The following ZNF804B variants were observed in gnomAD, a reference collection of about 807,000 sequenced individuals.
ZNF804B encodes zinc finger protein 804B.
In ZNF804B, 80 loss-of-function variants were observed where a neutral mutation model predicts 101.4. That is an observed-to-expected ratio of 0.79 (90% CI 0.66 to 0.95). The LOEUF (loss-of-function observed/expected upper bound fraction) is 0.95. Ranked by LOEUF, ZNF804B falls within the 40% of genes least tolerant of loss-of-function variation. ZNF804B has a pLI of 0.00. For missense variants in ZNF804B, 1,673 were observed against 1,561.9 expected, an observed-to-expected ratio of 1.07 and a Z score of -1.20; for synonymous variants, 622 against 558.8, an observed-to-expected ratio of 1.11 and a Z score of -1.59.
chr7:88,764,601 A>G (rs1253651482), intron 1 of ZNF804B, among the ~76,000 whole-genome samples: 1 of 152,178 alleles, frequency 6.6e-6, no homozygotes, highest in East Asian at 1.9e-4. Context: ...GTTCTAGAAG[A>G]GATGAACTAC....
rs556715360 is a variant in ZNF804B at position 89,015,696 on chromosome 7, A to G, written c.109-202459A>G. ...ATTTTTTATGGCTGCATAGTATTCC[A>G]TGGTGTATATGTGTCACATTTTCTT... is the stretch of plus-strand genomic sequence containing the variant. On this transcript the variant is annotated intron_variant, in intron 1 of 3. Transcript: ENST00000333190. 4.7e-3 allele frequency among the ~76,000 whole-genome samples: 714 copies of G among 152,198 alleles called. 6 individuals are homozygous for G. Among genetic ancestry groups the G allele is most frequent in the African/African-American group, 0.014 (571 of 41,506 alleles).
intron 1 of ZNF804B, among the ~76,000 whole-genome samples, chr7:89,121,598 C>T (rs1412850279): frequency 1.3e-5 from 2 of 152,078 alleles, no homozygotes; most frequent in Non-Finnish European, 2.9e-5. Context: ...TTGGACTAAA[C>T]TAAGTATTAG....
At chr7:89,237,012 T>C (rs570049633) in intron 2 of ZNF804B, among the ~76,000 whole-genome samples, 1 of 152,256 alleles carries the variant, frequency 6.6e-6, no homozygotes, top group South Asian at 2.1e-4. Flanking sequence ...GACTCCACCA[T>C]TAATAAACAC....
chr7:88,849,384 A>G (rs1204259892), intron 1 of ZNF804B, among the ~76,000 whole-genome samples: 1 of 151,984 alleles, frequency 6.6e-6, no homozygotes, highest in African/African-American at 2.4e-5. Context: ...GAAGATTAAG[A>G]AAAATGAAAA....
intron 1 of ZNF804B, among the ~76,000 whole-genome samples, chr7:88,843,015 T>G (rs1039405745): frequency 6.6e-6 from 1 of 152,240 alleles, no homozygotes; most frequent in African/African-American, 2.4e-5. Context: ...ATTTATTTTC[T>G]GCTTTTTAAT....
intron 1 of ZNF804B, among the ~76,000 whole-genome samples, chr7:89,007,559 T>C (rs1438630953): frequency 1.8e-5 from 1 of 56,670 alleles, no homozygotes; most frequent in Non-Finnish European, 3.9e-5. Flanking sequence ...TATATATTTA[T>C]CTATTATAAT....
At chr7:88,953,883 T>A (rs925660881) in intron 1 of ZNF804B, among the ~76,000 whole-genome samples, 21 of 151,898 alleles carry the variant, frequency 1.4e-4, no homozygotes, top group African/African-American at 5.1e-4. Flanking sequence ...AAAATATTTT[T>A]AATCACTAAC....
chr7:89,115,904 G>GTT (rs112266242), intron 1 of ZNF804B, among the ~76,000 whole-genome samples: 50,445 of 145,900 alleles, frequency 0.35, 8,971 homozygotes, highest in East Asian at 0.58. Context: ...AGGTTTTTTT[G>GTT]TTTTTTTTTT....
intron 2 of ZNF804B, among the ~76,000 whole-genome samples, chr7:89,306,080 A>C (rs2115932822): frequency 6.6e-6 from 1 of 152,124 alleles, no homozygotes; most frequent in Non-Finnish European, 1.5e-5. Flanking sequence ...TATAAAGAGC[A>C]CCATTAAGTA....
At chr7:88,995,971 A>G (rs1287685419) in intron 1 of ZNF804B, among the ~76,000 whole-genome samples, 2 of 152,048 alleles carry the variant, frequency 1.3e-5, no homozygotes, top group Admixed American at 1.3e-4. Context: ...AAAACAAGGC[A>G]AGTCTGAGAA....
At chr7:88,953,864 T>C (rs67716252) in intron 1 of ZNF804B, among the ~76,000 whole-genome samples, 20,859 of 151,652 alleles carry the variant, frequency 0.14, 1,918 homozygotes, top group East Asian at 0.37. Context: ...CATTCTATTA[T>C]ATGGATATAA....
At position 89,220,150 on chromosome 7, in the gene ZNF804B, CAT is replaced by C. The variant is rs1554380284; in HGVS notation, c.249+1865_249+1866del. Among the ~76,000 whole-genome samples, 123 of 50,142 alleles carry C rather than the reference CAT, an allele frequency of 2.5e-3. 12 individuals carry two copies. Among genetic ancestry groups the C allele is most frequent in the African/African-American group, 8.2e-3 (97 of 11,874 alleles). 32.9% of individuals were successfully genotyped at this position (50,142 alleles called of 152,430 possible). A position where few individuals can be genotyped will look rare whatever the true frequency, so the allele number is the denominator to read the frequency against. The stretch of plus-strand genomic sequence containing the variant: ...ACGCACACATATATGTGTGTATATA[CAT>C]ATATATATACGCACATATATATGTG... On this transcript the variant is annotated intron_variant, in intron 2 of 3. Coordinates refer to ENST00000333190, the MANE Select transcript of ZNF804B (RefSeq NM_181646.5).
chr7:89,145,689 T>C lies in ZNF804B; in HGVS notation c.109-72466T>C, dbSNP rs75867711. On this transcript the variant is annotated intron_variant, in intron 1 of 3. Coordinates refer to ENST00000333190, the MANE Select transcript of ZNF804B (RefSeq NM_181646.5). The stretch of plus-strand genomic sequence containing the variant: ...GACTAATTCCACAAACATATACTTA[T>C]TTCCCACTCTGGACCAGACCTTATG... Among the ~76,000 whole-genome samples, 260 of 152,162 alleles carry C rather than the reference T, an allele frequency of 1.7e-3. 1 individual carries two copies. The highest frequency in any genetic ancestry group is 5.7e-3 in the African/African-American group (236 of 41,558).
At chr7:88,944,485 G>A (rs146782375) in intron 1 of ZNF804B, among the ~76,000 whole-genome samples, 6,162 of 151,544 alleles carry the variant, frequency 0.041, 217 homozygotes, top group Non-Finnish European at 0.056. Context: ...CATTCTGGAT[G>A]CAAGTTTTAT....
intron 1 of ZNF804B, among the ~76,000 whole-genome samples, chr7:88,821,734 G>A (rs1352953830): frequency 1.3e-5 from 2 of 152,062 alleles, no homozygotes; most frequent in African/African-American, 2.4e-5. Flanking sequence ...AACCACTATA[G>A]TTTTAAAAGT....
chr7:88,950,803 T>C (rs140620106), intron 1 of ZNF804B, among the ~76,000 whole-genome samples: 4 of 151,992 alleles, frequency 2.6e-5, no homozygotes, highest in African/African-American at 9.6e-5. Flanking sequence ...AAATGCTAGC[T>C]AGATATGGCT....
intron 2 of ZNF804B, among the ~76,000 whole-genome samples, chr7:89,306,838 C>T (rs1420386764): frequency 6.6e-6 from 1 of 151,972 alleles, no homozygotes; most frequent in African/African-American, 2.4e-5. Flanking sequence ...ATTATACAGA[C>T]ATTTTGCCCC....
In ZNF804B at chr7:89,305,520, A is replaced by G. The variant is rs113320889; in HGVS notation, c.250-21824A>G. Among the ~76,000 whole-genome samples the G allele has an allele frequency of 3.1e-3, 465 of 152,038 alleles. 3 individuals carry two copies. The highest frequency in any genetic ancestry group is 0.011 in the African/African-American group (445 of 41,502). ...CAAGGTAATTAGGTGTTCTTCCTCA[A>G]CATAGTTTGTTGTTGTTGTTGTTGT... On this transcript the variant is annotated intron_variant, in intron 2 of 3. Coordinates refer to ENST00000333190, the MANE Select transcript of ZNF804B (RefSeq NM_181646.5).
chr7:88,867,452 A>T (rs1457524458), intron 1 of ZNF804B, among the ~76,000 whole-genome samples: 1 of 152,216 alleles, frequency 6.6e-6, no homozygotes, highest in Non-Finnish European at 1.5e-5. Context: ...GATCCAAGAA[A>T]GAGTAAACAA....
Sources: allele counts gnomAD v4.1 joint callset (sites outside exome capture counted in the v4.1 genomes callset), GRCh38; gene constraint gnomAD v4.1.1; transcripts MANE v1.5; gene names NCBI Gene and HGNC (gene_info 2026-07-23, HGNC 2026-07-21).